CPAP: variants seen among roughly 807,000 people sequenced by gnomAD.
The protein encoded by CPAP is centrosome assembly and centriole elongation protein, also known as centrosomal P4.1-associated protein.
chr13:24,929,901 ATTTTTTT>A, the CPAP span, among the ~76,000 whole-genome samples: 22 of 100,926 alleles, frequency 2.2e-4, no homozygotes, highest in South Asian at 3.4e-4. Context: ...TCACTTGTGA[ATTTTTTT>A]TTTTTTTTTT....
the CPAP span, chr13:24,907,309 C>G: frequency 1.3e-6 from 1 of 795,340 alleles, no homozygotes; most frequent in Non-Finnish European, 2.1e-6. Context: ...TTCCCAAAAT[C>G]AGTGCCTCCC....
At chr13:24,889,833 CCT>C in the CPAP span, among the ~76,000 whole-genome samples, 4 of 151,858 alleles carry the variant, frequency 2.6e-5, no homozygotes, top group Non-Finnish European at 5.9e-5. Flanking sequence ...TGGGGTGAGT[CCT>C]CTCTGCACCC....
At chr13:24,900,268 A>G in the CPAP span, among the ~76,000 whole-genome samples, 1 of 152,216 alleles carries the variant, frequency 6.6e-6, no homozygotes, top group Non-Finnish European at 1.5e-5. Context: ...TGAGGTGTTC[A>G]AAGAACAGCC....
chr13:24,883,352 A>ATGAG, the CPAP span: 5 of 1,608,338 alleles, frequency 3.1e-6, no homozygotes, highest in South Asian at 2.2e-5. Context: ...ATTAAACTCT[A>ATGAG]TGAGTTTGTT....
the CPAP span, chr13:24,905,333 T>C: frequency 3.1e-6 from 5 of 1,610,436 alleles, no homozygotes; most frequent in East Asian, 8.9e-5. Context: ...TATTTTATAA[T>C]GCTCTGACTC....
chr13:24,897,239 A>G, the CPAP span, among the ~76,000 whole-genome samples: 1 of 152,216 alleles, frequency 6.6e-6, no homozygotes, highest in East Asian at 1.9e-4. Flanking sequence ...GTGTCAAAAA[A>G]TAAAAATAAA....
chr13:24,910,965 CT>C, the CPAP span, among the ~76,000 whole-genome samples: 2 of 152,164 alleles, frequency 1.3e-5, no homozygotes, highest in Non-Finnish European at 2.9e-5. Context: ...CTTGCCAAGT[CT>C]TTTTTTCCTT....
the CPAP span, among the ~76,000 whole-genome samples, chr13:24,892,104 A>G: frequency 1.3e-5 from 2 of 152,218 alleles, no homozygotes; most frequent in Non-Finnish European, 2.9e-5. Context: ...TCATAAGGGC[A>G]AGGAATTTTG....
the CPAP span, among the ~76,000 whole-genome samples, chr13:24,891,461 G>A: frequency 6.6e-6 from 1 of 152,116 alleles, no homozygotes; most frequent in Non-Finnish European, 1.5e-5. Flanking sequence ...GTGGCCATGT[G>A]CTCCCTTCTT....
At chr13:24,884,106 A>G in the CPAP span, 1 of 1,609,372 alleles carries the variant, frequency 6.2e-7, no homozygotes, top group Non-Finnish European at 8.5e-7. Flanking sequence ...TTGTTACAGT[A>G]AATATTTTTT....
chr13:24,905,079 G>A, the CPAP span, among the ~76,000 whole-genome samples: 1 of 152,132 alleles, frequency 6.6e-6, no homozygotes, highest in Non-Finnish European at 1.5e-5. Flanking sequence ...GGTAATACTG[G>A]TACCTCTAGG....
At chr13:24,900,828 A>G in the CPAP span, among the ~76,000 whole-genome samples, 1 of 152,214 alleles carries the variant, frequency 6.6e-6, no homozygotes, top group Non-Finnish European at 1.5e-5. Context: ...CAGTCGGGTT[A>G]GAAATGGACT....
At chr13:24,911,350 G>A in the CPAP span, among the ~76,000 whole-genome samples, 5 of 152,090 alleles carry the variant, frequency 3.3e-5, no homozygotes, top group African/African-American at 7.2e-5. Flanking sequence ...GACGCTTTCC[G>A]TTAACTGATG....
At chr13:24,883,071 A>G in the CPAP span, 25 of 1,035,192 alleles carry the variant, frequency 2.4e-5, no homozygotes, top group South Asian at 1.4e-4. Flanking sequence ...TTAGAATCTA[A>G]TCTTTTCCCC....
At chr13:24,918,804 T>C in the CPAP span, among the ~76,000 whole-genome samples, 1 of 152,092 alleles carries the variant, frequency 6.6e-6, no homozygotes, top group African/African-American at 2.4e-5. Flanking sequence ...GGACTAGGCT[T>C]AGGAAGAGAA....
At chr13:24,918,229 C>T in the CPAP span, among the ~76,000 whole-genome samples, 2 of 152,156 alleles carry the variant, frequency 1.3e-5, no homozygotes, top group Non-Finnish European at 2.9e-5. Flanking sequence ...GAAGGAGGCA[C>T]CTCACAAGTT....
the CPAP span, chr13:24,906,525 C>T: frequency 2.6e-4 from 424 of 1,614,068 alleles, 1 homozygote; most frequent in Middle Eastern, 1.2e-3. Context: ...TTTGGACACT[C>T]AGTTACATTT....
At chr13:24,906,505 A>G in the CPAP span, 8 of 1,614,100 alleles carry the variant, frequency 5.0e-6, no homozygotes, top group African/African-American at 1.1e-4. Context: ...TGCAGCCAGT[A>G]TCGCAAGGTT....
the CPAP span, among the ~76,000 whole-genome samples, chr13:24,920,975 G>A: frequency 2.0e-5 from 3 of 152,038 alleles, no homozygotes; most frequent in Non-Finnish European, 4.4e-5. Context: ...TAAACCCATA[G>A]TTATAAATGG....
Sources: allele counts gnomAD v4.1 joint callset (sites outside exome capture counted in the v4.1 genomes callset), GRCh38; gene constraint gnomAD v4.1.1; transcripts MANE v1.5; gene names NCBI Gene and HGNC (gene_info 2026-07-23, HGNC 2026-07-21).